VRTN: variants seen among roughly 807,000 people sequenced by gnomAD.
VRTN encodes vertnin.
A neutral mutation model predicts 18.2 loss-of-function variants in VRTN; 5 were observed. The observed-to-expected ratio is 0.27, with a 90% confidence interval of 0.14 to 0.58. The LOEUF is 0.58. Among genes scored for constraint, VRTN ranks in the 20% least tolerant of loss-of-function variants. The probability of loss-of-function intolerance (pLI) is 0.91; values close to 1 mark genes in which losing one functional copy is unlikely to be tolerated. For synonymous variants in VRTN, 381 were observed against 393.7 expected (o/e 0.97, Z 0.38); for missense variants, 741 against 939.4 (o/e 0.79, Z 2.76).
intron 2 of VRTN, among the ~76,000 whole-genome samples, chr14:74,340,801 A>G (rs1968101): frequency 0.3 from 44,923 of 152,106 alleles, 6,824 homozygotes; most frequent in East Asian, 0.44. Flanking sequence ...CCCAGGCTGG[A>G]GTGCAGTGAC....
intron 1 of VRTN, among the ~76,000 whole-genome samples, chr14:74,322,766 A>G (rs66764393): frequency 0.034 from 5,124 of 152,262 alleles, 154 homozygotes; most frequent in African/African-American, 0.075. Flanking sequence ...TTCTATCCCT[A>G]GCTGGCAGGA....
Position 74,358,650 on chromosome 14 carries a change from C to A in VRTN, c.1867C>A (p.Pro623Thr). 1.2e-6 allele frequency: 2 copies of A among 1,610,434 alleles called. No homozygotes were observed. Among genetic ancestry groups the A allele is most frequent in the Non-Finnish European group, 1.7e-6 (2 of 1,178,120 alleles). The change falls in exon 2 of 2, where the codon CCC (proline) becomes ACC (threonine). Residue 623 changes from proline to threonine, a missense_variant. Physicochemically the swap from Pro to Thr is conservative, Grantham distance 38. This residue lies in a region of VRTN where 494 missense variants were observed against 546.5 expected (regional missense o/e 0.90). Coordinates refer to ENST00000256362, the MANE Select transcript of VRTN (RefSeq NM_018228.3). This position sits in a 1 kb window ranked among gnomAD's most constrained non-coding sequence, Gnocchi z 5.4. ...ATAQGQPHSG[P>T]LLSQPVVAAA... ...AGCCCAGGGCCAGCCCCACAGTGGG[C>A]CCTTGCTGAGCCAACCTGTGGTGGC...
upstream of VRTN, among the ~76,000 whole-genome samples, chr14:74,348,189 T>C (rs1342449563): frequency 1.3e-5 from 2 of 152,140 alleles, no homozygotes; most frequent in Non-Finnish European, 2.9e-5. Context: ...TTCCCCTAGG[T>C]CTTTCGATCT....
intron 1 of VRTN, among the ~76,000 whole-genome samples, chr14:74,329,578 AG>A (rs570936013): frequency 1.3e-3 from 198 of 148,738 alleles, no homozygotes; most frequent in African/African-American, 4.7e-3. Flanking sequence ...TGGCCTGTGG[AG>A]GCATTTTTTT....
rs764414770 is a variant in VRTN at position 74,357,869 on chromosome 14, C to T, written c.1086C>T (p.Ala362=). 1 of 1,614,008 alleles carries T rather than the reference C, an allele frequency of 6.2e-7. No individual in the cohort carries two copies. Among genetic ancestry groups the T allele is most frequent in the Non-Finnish European group, 8.5e-7 (1 of 1,180,034 alleles). ...TGCTGGGCTCTGGCACCTGCCCGGC[C>T]TTGCCCCCCAGGGAGGTGCTGGGCA... ...HELLGSGTCP[A]LPPREVLGME... The change falls in exon 2 of 2, where the codon GCC becomes GCT. Residue 362 remains alanine (A), a synonymous_variant. Coordinates refer to ENST00000256362, the MANE Select transcript of VRTN (RefSeq NM_018228.3). This position sits in a 1 kb window ranked among gnomAD's most constrained non-coding sequence, Gnocchi z 7.8.
chr14:74,331,991 G>T (rs2085529174), intron 1 of VRTN, among the ~76,000 whole-genome samples: 1 of 152,044 alleles, frequency 6.6e-6, no homozygotes, highest in African/African-American at 2.4e-5. Context: ...GCATGTGGCT[G>T]AAGTTATCTG....
intron 1 of VRTN, among the ~76,000 whole-genome samples, chr14:74,320,561 C>CT (rs1567039607): frequency 3.3e-5 from 3 of 91,522 alleles, no homozygotes; most frequent in African/African-American, 1.4e-4. Flanking sequence ...TGCGCCCGGC[C>CT]TCTTTTTTTT....
rs151118286 is a variant in VRTN, at chr14:74,339,939, C to G, written c.-2+2055C>G. Among the ~76,000 whole-genome samples the G allele has an allele frequency of 9.3e-3, 1,418 of 152,056 alleles. 10 individuals are homozygous for G. The highest frequency in any genetic ancestry group is 0.041 in the Middle Eastern group (12 of 294). On this transcript the variant is annotated intron_variant, in intron 2 of 2. Transcript: ENST00000557177. ...GTTGTGTTGTAGAATGAATGAGAAG[C>G]CTTTTCTTTTTTTTGAGATGGAGTC... is the stretch of plus-strand genomic sequence containing the variant.
chr14:74,305,177 C>T (rs1417888450), intron 1 of VRTN, among the ~76,000 whole-genome samples: 1 of 151,914 alleles, frequency 6.6e-6, no homozygotes, highest in African/African-American at 2.4e-5. Flanking sequence ...ACTAAAAGTA[C>T]AAAAATTAGC....
chr14:74,358,239 G>T lies in VRTN; in HGVS notation c.1456G>T (p.Ala486Ser), dbSNP rs1259844391. ...TGAGGCGGAAGAGGGGGCAGGGAATGCCACAGGTGAGGACCCTCCCGCCCC... is the reference window on the plus strand; with the variant it reads ...TGAGGCGGAAGAGGGGGCAGGGAATTCCACAGGTGAGGACCCTCCCGCCCC... ...KSEAEEGAGN[A>S]TGEDPPAPGE... Residue 486 changes from alanine to serine, a missense_variant, in exon 2 of 2, where the codon GCC becomes TCC. Transcript: ENST00000256362. This position sits in a 1 kb window ranked among gnomAD's most constrained non-coding sequence, Gnocchi z 5.4. 6.2e-7 allele frequency: 1 copy of T among 1,612,332 alleles called. No individual in the cohort carries two copies. Among genetic ancestry groups the T allele is most frequent in the Admixed American group, 1.7e-5 (1 of 59,998 alleles).
At chr14:74,341,214 T>A (rs2085603711) in intron 2 of VRTN, among the ~76,000 whole-genome samples, 1 of 152,204 alleles carries the variant, frequency 6.6e-6, no homozygotes, top group Admixed American at 6.5e-5. Flanking sequence ...TTTCACAGTT[T>A]TTCCATTTAA....
chr14:74,309,930 T>A (rs2085376749), intron 1 of VRTN, among the ~76,000 whole-genome samples: 1 of 152,156 alleles, frequency 6.6e-6, no homozygotes, highest in South Asian at 2.1e-4. Context: ...AGGAATTCTC[T>A]TATAAATATA....
rs1271578563 is a variant in VRTN at position 74,357,843 on chromosome 14, C to T, written c.1060C>T (p.Leu354=). Residue 354 remains leucine (L), a synonymous_variant, in exon 2 of 2, where the codon CTG becomes TTG. Transcript: ENST00000256362. This position sits in a 1 kb window ranked among gnomAD's most constrained non-coding sequence, Gnocchi z 7.8. The part of the protein sequence containing the change: ...RSTYYAWKHE[L]LGSGTCPALP... ...AACCTACTATGCCTGGAAGCATGAG[C>T]TGCTGGGCTCTGGCACCTGCCCGGC... The T allele has an allele frequency of 1.2e-6, 2 of 1,613,760 alleles. No homozygotes were observed. The highest frequency in any genetic ancestry group is 1.7e-6 in the Non-Finnish European group (2 of 1,180,048).
intron 2 of VRTN, among the ~76,000 whole-genome samples, chr14:74,340,894 C>T (rs569202960): frequency 6.6e-6 from 1 of 152,140 alleles, no homozygotes; most frequent in East Asian, 1.9e-4. Flanking sequence ...GGAGTACGCG[C>T]AGCCACTCCC....
In VRTN at chr14:74,325,462, CTA is replaced by C. The variant is rs367598379; in HGVS notation, c.-163-12260_-163-12259del. On this transcript the variant is annotated intron_variant, in intron 1 of 2. Transcript: ENST00000557177. ...AACAAAAAACAAACAAACAAAAAAA[CTA>C]GAAGTAAAATGGATAAGAGATGAAC... Among the ~76,000 whole-genome samples, 514 of 151,432 alleles carry C rather than the reference CTA, an allele frequency of 3.4e-3. 2 individuals are homozygous for C. The highest frequency in any genetic ancestry group is 0.012 in the African/African-American group (499 of 41,188).
At chr14:74,354,879 C>T (rs1265250154) in intron 1 of VRTN, among the ~76,000 whole-genome samples, 2 of 151,910 alleles carry the variant, frequency 1.3e-5, no homozygotes, top group African/African-American at 4.8e-5. Flanking sequence ...TGACGGCTCA[C>T]ACCTGTAATC....
At chr14:74,304,811 T>C (rs1286657488) in intron 1 of VRTN, among the ~76,000 whole-genome samples, 2 of 152,110 alleles carry the variant, frequency 1.3e-5, no homozygotes, top group African/African-American at 4.8e-5. Flanking sequence ...GAAGAGGAAA[T>C]AACTTTATTC....
chr14:74,311,031 C>T (rs1261648525), intron 1 of VRTN, among the ~76,000 whole-genome samples: 1 of 152,046 alleles, frequency 6.6e-6, no homozygotes, highest in Admixed American at 6.6e-5. Context: ...ATAATAGTTT[C>T]CACATCAGAG....
At chr14:74,315,306 C>T (rs1346945477) in intron 1 of VRTN, among the ~76,000 whole-genome samples, 1 of 152,128 alleles carries the variant, frequency 6.6e-6, no homozygotes, top group Non-Finnish European at 1.5e-5. Context: ...CTCCACCTCC[C>T]AGATTCATGC....
Sources: allele counts gnomAD v4.1 joint callset (sites outside exome capture counted in the v4.1 genomes callset), GRCh38; gene constraint gnomAD v4.1.1; regional missense constraint gnomAD v4.1.1; non-coding constraint Gnocchi (gnomAD v3.1); transcripts MANE v1.5; gene names NCBI Gene and HGNC (gene_info 2026-07-23, HGNC 2026-07-21).